The following DEAF1 variants were observed in gnomAD, a reference collection of about 807,000 sequenced individuals.
DEAF1 encodes deformed epidermal autoregulatory factor 1 homolog.
DEAF1 carries 53 observed loss-of-function variants against 58.9 expected under a neutral mutation model. That is an observed-to-expected ratio of 0.90 (90% CI 0.72 to 1.13). DEAF1 has a LOEUF of 1.13. DEAF1 is among the 50% of genes most tolerant of loss of function. The pLI, the probability that DEAF1 is intolerant of heterozygous loss-of-function variation, is 0.00. For synonymous variants in DEAF1, 385 were observed against 340.4 expected, an observed-to-expected ratio of 1.13 and a Z score of -1.44; for missense variants, 685 against 791.4, an observed-to-expected ratio of 0.87 and a Z score of 1.61.
intron 11 of DEAF1, among the ~76,000 whole-genome samples, chr11:647,640 A>G (rs1470810550): frequency 6.6e-6 from 1 of 152,196 alleles, no homozygotes; most frequent in Non-Finnish European, 1.5e-5. Context: ...CAGCCCAAAG[A>G]GAGAGGGGGA....
chr11:706,993 T>C (rs1861741117), exon 1 of DEAF1, among the ~76,000 whole-genome samples: 1 of 151,566 alleles, frequency 6.6e-6, no homozygotes, highest in South Asian at 2.1e-4. Context: ...CTGCGGGGTG[T>C]CCCTGGTGGC....
At chr11:654,628 AC>A (rs1190897221) in intron 10 of DEAF1, 1 of 455,204 alleles carries the variant, frequency 2.2e-6, no homozygotes, top group Middle Eastern at 3.3e-4. Flanking sequence ...TAATCCCAGG[AC>A]TTTGGGCAGC....
Position 695,134 on chromosome 11 carries a change from C to T in DEAF1, c.-87G>A. 1 of 1,261,152 alleles carries T rather than the reference C, an allele frequency of 7.9e-7. No individual in the cohort carries two copies. Among genetic ancestry groups the T allele is most frequent in the East Asian group, 3.5e-5 (1 of 28,532 alleles). The allele number at this position is 1,261,152 out of a possible 1,614,324, so 78.1% of individuals were successfully genotyped here. On this transcript the variant is annotated 5_prime_UTR_variant, in exon 1 of 12. Transcript: ENST00000382409. ...AGCCCGAAGCGGGGCCCGAAGAGGACGCCCGAGCTGGGCCGAGGCCGCCCG... is the reference window on the plus strand; with the variant it reads ...AGCCCGAAGCGGGGCCCGAAGAGGATGCCCGAGCTGGGCCGAGGCCGCCCG...
chr11:669,053 C>T (rs112212426), intron 10 of DEAF1, among the ~76,000 whole-genome samples: 12,538 of 151,402 alleles, frequency 0.083, 631 homozygotes, highest in Admixed American at 0.18. Context: ...TCTCGACCTC[C>T]TGACCTTGTG....
intron 11 of DEAF1, chr11:646,194 A>G (rs1238909826): frequency 6.8e-6 from 1 of 147,656 alleles, no homozygotes; most frequent in Non-Finnish European, 1.5e-5. Flanking sequence ...CAGAGGTTGC[A>G]GTAAGCCAAG....
intron 10 of DEAF1, among the ~76,000 whole-genome samples, chr11:657,931 C>A (rs1295559869): frequency 6.6e-6 from 1 of 152,072 alleles, no homozygotes; most frequent in Non-Finnish European, 1.5e-5. Flanking sequence ...GGTCCTAGAG[C>A]AGAAACAGGA....
chr11:646,291 A>G (rs887544126), intron 11 of DEAF1: 3 of 151,728 alleles, frequency 2.0e-5, no homozygotes, highest in Admixed American at 1.3e-4. Context: ...TTACCTGGTA[A>G]TAGACTATAA....
rs538840194 is a variant in DEAF1, at chr11:695,185, A to G, written c.-138T>C. Reference sequence around the variant, plus strand: ...AAGCCGCCGCCCGAATAGGGACCGAAAAGGCAGCCAGCCGCCGAGCAGAGC... The same window carrying G: ...AAGCCGCCGCCCGAATAGGGACCGAGAAGGCAGCCAGCCGCCGAGCAGAGC... On this transcript the variant is annotated 5_prime_UTR_variant, in exon 1 of 12. Coordinates refer to ENST00000382409, the MANE Select transcript of DEAF1 (RefSeq NM_021008.4). 2.1e-3 allele frequency: 1,628 copies of G among 764,516 alleles called. 1 individual carries two copies. The highest frequency in any genetic ancestry group is 2.7e-3 in the Non-Finnish European group (1,506 of 549,516). The allele number at this position is 764,516 out of a possible 1,614,324, so 47.4% of individuals were successfully genotyped here.
rs1221892725 is a variant in DEAF1, at chr11:688,733, A to C, written c.388-273T>G. ...GAAGGAAGAAAGGTGCTCCACAAAC[A>C]AGAAACACCCTCCCTTCCACCTGAG... On this transcript the variant is annotated intron_variant, in intron 2 of 11. Coordinates refer to ENST00000382409, the MANE Select transcript of DEAF1 (RefSeq NM_021008.4). This position sits in a 1 kb window ranked among gnomAD's most constrained non-coding sequence, Gnocchi z 4.3. 2.0e-5 allele frequency among the ~76,000 whole-genome samples: 3 copies of C among 152,158 alleles called. No homozygotes were observed. The highest frequency in any genetic ancestry group is 4.4e-5 in the Non-Finnish European group (3 of 68,018).
chr11:658,253 C>G (rs1246530994), intron 10 of DEAF1, among the ~76,000 whole-genome samples: 1 of 152,218 alleles, frequency 6.6e-6, no homozygotes, highest in African/African-American at 2.4e-5. Context: ...ACGGTGAAAC[C>G]CTGTCTCTAC....
chr11:700,076 T>G, upstream of DEAF1: 1 of 1,396,130 alleles, frequency 7.2e-7, no homozygotes, highest in Non-Finnish European at 1.0e-6. Flanking sequence ...CCAGCCCCTC[T>G]TGTTCAGCCA....
Position 644,248 on chromosome 11 carries a change from T to C in DEAF1, c.*302A>G, listed in dbSNP as rs1213044404. 1.9e-5 allele frequency: 9 copies of C among 480,042 alleles called. No homozygotes were observed. Among genetic ancestry groups the C allele is most frequent in the Non-Finnish European group, 2.7e-5 (7 of 259,504 alleles). 29.7% of individuals were successfully genotyped at this position (480,042 alleles called of 1,614,324 possible). Reference sequence around the variant, plus strand: ...GGGGCAGGGAGACCTTATTTACACTTTATTGACAGACACAACACGTATGTA... The same window carrying C: ...GGGGCAGGGAGACCTTATTTACACTCTATTGACAGACACAACACGTATGTA... On this transcript the variant is annotated 3_prime_UTR_variant, in exon 12 of 12. Transcript: ENST00000382409. The surrounding 1 kb of genome is among the most constrained non-coding windows in gnomAD (Gnocchi z 4.3).
chr11:646,986 TAA>T (rs58523027), intron 11 of DEAF1, among the ~76,000 whole-genome samples: 75,513 of 148,588 alleles, frequency 0.51, 19,020 homozygotes, highest in East Asian at 0.73. Context: ...CCTATCTCTA[TAA>T]AAAAAAAAAA....
chr11:697,208 C>G (rs1393304245), upstream of DEAF1, among the ~76,000 whole-genome samples: 1 of 151,930 alleles, frequency 6.6e-6, no homozygotes, highest in African/African-American at 2.4e-5. Flanking sequence ...GAGCTGTGAT[C>G]AGGCCACTGC....
At chr11:670,671 C>T (rs1215336226) in intron 10 of DEAF1, among the ~76,000 whole-genome samples, 2 of 151,640 alleles carry the variant, frequency 1.3e-5, no homozygotes, top group African/African-American at 2.4e-5. Context: ...GCCGAGATCA[C>T]ACCACTGCAC....
chr11:703,533 T>C (rs1002502587), intron 1 of DEAF1: 23 of 1,234,844 alleles, frequency 1.9e-5, no homozygotes, highest in Non-Finnish European at 2.3e-5. Flanking sequence ...TCTCACTGCA[T>C]CCCCCATCAC....
chr11:644,530 C>G lies in DEAF1; in HGVS notation c.*20G>C, dbSNP rs747241811. 2 of 1,606,920 alleles carry G rather than the reference C, an allele frequency of 1.2e-6. No individual in the cohort carries two copies. Among genetic ancestry groups the G allele is most frequent in the Middle Eastern group, 1.7e-4 (1 of 5,822 alleles). On this transcript the variant is annotated 3_prime_UTR_variant, in exon 12 of 12. Transcript: ENST00000382409. This position sits in a 1 kb window ranked among gnomAD's most constrained non-coding sequence, Gnocchi z 4.3. The stretch of plus-strand genomic sequence containing the variant: ...ACAGGAGTGCGAGGGGCCCCAGCTC[C>G]CAGGGCGGCCGATGGAGCCTCACAC...
chr11:699,111 C>A (rs1861330266), upstream of DEAF1: 1 of 540,082 alleles, frequency 1.9e-6, no homozygotes, highest in Non-Finnish European at 3.3e-6. Context: ...AGTGGCTAAG[C>A]ACGCCACACT....
chr11:684,849 GC>G, intron 6 of DEAF1, 48 bp downstream of exon 6: 2 of 1,511,966 alleles, frequency 1.3e-6, no homozygotes, highest in Non-Finnish European at 1.8e-6. Context: ...CCACTCAGCC[GC>G]CCCCAGCCCC....
Sources: gnomAD v4.1 joint callset for allele counts (sites outside exome capture counted in the v4.1 genomes callset) on GRCh38, gnomAD v4.1.1 for gene constraint, Gnocchi (gnomAD v3.1) non-coding constraint, MANE v1.5 for transcripts, NCBI Gene and HGNC (gene_info 2026-07-23, HGNC 2026-07-21) for gene names.